The following ERC1 variants were observed in gnomAD, a reference collection of about 807,000 sequenced individuals.
The protein encoded by ERC1 is ELKS/RAB6-interacting/CAST family member 1.
A neutral mutation model predicts 132.0 loss-of-function variants in ERC1; 56 were observed. The observed-to-expected ratio is 0.42, with a 90% CI of 0.34 to 0.53. The LOEUF is 0.53. Ranked by LOEUF, ERC1 falls within the 20% of genes least tolerant of loss-of-function variation. The probability of loss-of-function intolerance (pLI) is 0.03; values close to 1 mark genes in which losing one functional copy is unlikely to be tolerated. For synonymous variants in ERC1, 478 were observed against 476.1 expected (o/e 1.00, Z -0.05); for missense variants, 1,202 against 1,349.9 (o/e 0.89, Z 1.72).
At chr12:1,199,936 AGAAT>A (rs1344181520) in intron 12 of ERC1, among the ~76,000 whole-genome samples, 1 of 151,556 alleles carries the variant, frequency 6.6e-6, no homozygotes, top group African/African-American at 2.4e-5. Flanking sequence ...TGGAACACAA[AGAAT>A]GAATGAGGTC....
intron 2 of ERC1, among the ~76,000 whole-genome samples, chr12:1,081,484 T>A (rs1593174428): frequency 6.6e-6 from 1 of 152,346 alleles, no homozygotes; most frequent in Non-Finnish European, 1.5e-5. Flanking sequence ...GAAAGCTGAT[T>A]TGGAGTTTTC....
chr12:1,026,151 A>G (rs1306385014), intron 1 of ERC1, among the ~76,000 whole-genome samples: 1 of 152,184 alleles, frequency 6.6e-6, no homozygotes, highest in Non-Finnish European at 1.5e-5. Flanking sequence ...CCTCACAATC[A>G]TGGCAGAAGG....
intron 13 of ERC1, among the ~76,000 whole-genome samples, chr12:1,260,144 T>G (rs962202581): frequency 1.3e-5 from 2 of 152,158 alleles, no homozygotes; most frequent in Admixed American, 1.3e-4. Flanking sequence ...AGTGAGATAC[T>G]TTTTTGGGGG....
At chr12:1,487,802 AAAG>A (rs2094253465) in intron 18 of ERC1, among the ~76,000 whole-genome samples, 1 of 107,594 alleles carries the variant, frequency 9.3e-6, no homozygotes, top group African/African-American at 3.3e-5. Context: ...GAAGGAAAGA[AAAG>A]AAACGAGAGA....
chr12:1,050,914 AG>A (rs2154168171), intron 2 of ERC1, among the ~76,000 whole-genome samples: 1 of 152,246 alleles, frequency 6.6e-6, no homozygotes, highest in Admixed American at 6.5e-5. Context: ...CTGAGGCAGG[AG>A]AATCGCTTGA....
intron 2 of ERC1, among the ~76,000 whole-genome samples, chr12:1,053,281 A>C (rs184792430): frequency 6.6e-6 from 1 of 152,224 alleles, no homozygotes; most frequent in Non-Finnish European, 1.5e-5. Context: ...AGGACTGTCA[A>C]CTTGACTATG....
chr12:1,419,389 T>C (rs1325444358), intron 17 of ERC1, among the ~76,000 whole-genome samples: 1 of 151,558 alleles, frequency 6.6e-6, no homozygotes, highest in African/African-American at 2.4e-5. Flanking sequence ...TATGTAGATA[T>C]GACATACCTT....
intron 18 of ERC1, among the ~76,000 whole-genome samples, chr12:1,478,512 G>A (rs548009261): frequency 5.9e-5 from 9 of 152,246 alleles, no homozygotes; most frequent in East Asian, 1.9e-4. Flanking sequence ...ACAGAAATCC[G>A]GCCGGGCGCG....
At chr12:1,413,769 T>A (rs1257320405) in intron 17 of ERC1, among the ~76,000 whole-genome samples, 1 of 152,222 alleles carries the variant, frequency 6.6e-6, no homozygotes, top group Admixed American at 6.5e-5. Flanking sequence ...TATATTGTAA[T>A]GTGTTTAAAT....
At chr12:1,227,626 G>C (rs949010565) in intron 12 of ERC1, among the ~76,000 whole-genome samples, 17 of 152,124 alleles carry the variant, frequency 1.1e-4, no homozygotes, top group African/African-American at 4.1e-4. Context: ...TTGATTGCTT[G>C]CATTGCTGTG....
chr12:1,206,838 A>T (rs533617697), intron 12 of ERC1, among the ~76,000 whole-genome samples: 7 of 152,230 alleles, frequency 4.6e-5, no homozygotes, highest in Admixed American at 2.6e-4. Flanking sequence ...TTTTTAAAAC[A>T]AATGTTTAGA....
intron 12 of ERC1, among the ~76,000 whole-genome samples, chr12:1,222,757 G>A (rs1018892294): frequency 5.3e-5 from 8 of 152,040 alleles, no homozygotes; most frequent in South Asian, 2.1e-4. Context: ...GTATAGTAAC[G>A]TATAACACTA....
chr12:1,112,308 G>A lies in ERC1; in HGVS notation c.1401+10G>A, dbSNP rs751682491. 1.1e-5 allele frequency: 17 copies of A among 1,603,938 alleles called. No individual in the cohort carries two copies. The highest frequency in any genetic ancestry group is 6.7e-5 in the East Asian group (3 of 44,784). On this transcript the variant is annotated intron_variant, in intron 6 of 18. Coordinates refer to ENST00000360905, the MANE Select transcript of ERC1 (RefSeq NM_178040.4). ...TGGTCTTCAGGCTGAGGTCTTTGCC[G>A]TAAGATTTACCTCTTTGTGTGCAGT...
At chr12:1,200,699 C>T (rs1956829996) in intron 12 of ERC1, among the ~76,000 whole-genome samples, 1 of 152,130 alleles carries the variant, frequency 6.6e-6, no homozygotes, top group Non-Finnish European at 1.5e-5. Context: ...GCTGGGACTA[C>T]AGGCGCCCGC....
Position 1,490,337 on chromosome 12 carries a change from A to C in ERC1, c.*107A>C, listed in dbSNP as rs1430852305. The C allele has an allele frequency of 3.7e-6, 4 of 1,083,564 alleles. No homozygotes were observed. The highest frequency in any genetic ancestry group is 5.3e-6 in the Non-Finnish European group (4 of 761,000). 67.1% of individuals were successfully genotyped at this position (1,083,564 alleles called of 1,614,324 possible). A position where few individuals can be genotyped will look rare whatever the true frequency, so the allele number is the denominator to read the frequency against. On this transcript the variant is annotated 3_prime_UTR_variant, in exon 19 of 19. Transcript: ENST00000360905. ...CTTGGCACCAAACACTACAAACTTC[A>C]TCCCAACTTGCTCACTTGAAGAAGT...
chr12:1,348,452 C>T (rs962376899), intron 15 of ERC1, among the ~76,000 whole-genome samples: 5 of 152,018 alleles, frequency 3.3e-5, no homozygotes, highest in African/African-American at 7.2e-5. Flanking sequence ...TTTGGGAGGC[C>T]GAGGCGGGCA....
At chr12:1,240,901 G>A (rs61911983) in intron 13 of ERC1, among the ~76,000 whole-genome samples, 45,557 of 151,846 alleles carry the variant, frequency 0.3, 6,970 homozygotes, top group Middle Eastern at 0.4. Context: ...CATGAGTTAT[G>A]TGTTTCATAA....
intron 16 of ERC1, among the ~76,000 whole-genome samples, chr12:1,393,604 A>G (rs2090169917): frequency 1.1e-5 from 1 of 93,912 alleles, no homozygotes; most frequent in South Asian, 4.1e-4. Context: ...TAGAGAGAAC[A>G]CACGTGTGTG....
intron 15 of ERC1, among the ~76,000 whole-genome samples, chr12:1,334,244 C>T (rs1223827392): frequency 2.0e-5 from 3 of 152,160 alleles, no homozygotes; most frequent in Non-Finnish European, 4.4e-5. Context: ...TACATAGATC[C>T]TGTTCATCAA....
Sources: gnomAD v4.1 joint callset for allele counts (sites outside exome capture counted in the v4.1 genomes callset) on GRCh38, gnomAD v4.1.1 for gene constraint, MANE v1.5 for transcripts, NCBI Gene and HGNC (gene_info 2026-07-23, HGNC 2026-07-21) for gene names.